PARL: variants seen among roughly 807,000 people sequenced by gnomAD.
PARL encodes the protein presenilin-associated rhomboid-like protein, mitochondrial.
A neutral mutation model predicts 51.6 loss-of-function variants in PARL; 44 were observed. The observed-to-expected ratio is 0.85, with a 90% CI of 0.67 to 1.10. The LOEUF (loss-of-function observed/expected upper bound fraction) is 1.10, where lower values mean the gene tolerates loss of function less well. Ranked by LOEUF, PARL falls within the 50% of genes least tolerant of loss-of-function variation. PARL has a pLI of 0.00. For synonymous variants in PARL, 172 were observed against 164.0 expected, an observed-to-expected ratio of 1.05 and a Z score of -0.37; for missense variants, 441 against 469.5, an observed-to-expected ratio of 0.94 and a Z score of 0.56.
At chr3:183,843,189 C>A (rs1275891612) in intron 5 of PARL, 2 of 984,366 alleles carry the variant, frequency 2.0e-6, no homozygotes, top group Non-Finnish European at 2.4e-6. Flanking sequence ...CAGCTTAAGA[C>A]ATCATTTTTA....
rs763229533 is a variant in PARL, at chr3:183,884,863, C to T, written c.-17G>A. 6 of 1,596,582 alleles carry T rather than the reference C, an allele frequency of 3.8e-6. No homozygotes were observed. Among genetic ancestry groups the T allele is most frequent in the African/African-American group, 2.7e-5 (2 of 74,826 alleles). On this transcript the variant is annotated 5_prime_UTR_variant, in exon 1 of 10. Coordinates refer to ENST00000317096, the MANE Select transcript of PARL (RefSeq NM_018622.7). ...CCACGCCATCTTCCCAACCTCTGCC[C>T]CACCATGGCCCGACCTTACCAACCC...
intron 1 of PARL, among the ~76,000 whole-genome samples, chr3:183,875,898 T>C (rs1005196196): frequency 6.6e-6 from 1 of 152,206 alleles, no homozygotes; most frequent in Non-Finnish European, 1.5e-5. Flanking sequence ...GGTGACTAAG[T>C]TGAAGCCAAT....
intron 1 of PARL, among the ~76,000 whole-genome samples, chr3:183,877,446 C>T (rs779846976): frequency 6.6e-6 from 1 of 152,112 alleles, no homozygotes; most frequent in Non-Finnish European, 1.5e-5. Flanking sequence ...AGCAGCAGCA[C>T]GGTTTGAGAG....
At chr3:183,854,290 C>T (rs1240524086) in intron 4 of PARL, among the ~76,000 whole-genome samples, 2 of 152,142 alleles carry the variant, frequency 1.3e-5, no homozygotes, top group African/African-American at 2.4e-5. Flanking sequence ...TATTTGCACA[C>T]CCATTTTCAT....
In PARL at chr3:183,837,784, A is replaced by G. The variant is rs150679589; in HGVS notation, c.828+2786T>C. 2.3e-3 allele frequency among the ~76,000 whole-genome samples: 355 copies of G among 152,274 alleles called. 4 individuals are homozygous for G. The highest frequency in any genetic ancestry group is 8.1e-3 in the African/African-American group (338 of 41,564). ...GGCTTCAACTGAAAAATCACTCATC[A>G]TATCAAGAACCAGAAAAATCTCAAC... On this transcript the variant is annotated intron_variant, in intron 7 of 9. Transcript: ENST00000317096.
At chr3:183,832,494 C>T (rs1350482862) in intron 9 of PARL, among the ~76,000 whole-genome samples, 1 of 152,056 alleles carries the variant, frequency 6.6e-6, no homozygotes, top group Admixed American at 6.5e-5. Flanking sequence ...GCTGGGATTA[C>T]AGGCGTGAGC....
chr3:183,843,658 G>A (rs1222903494), intron 5 of PARL, among the ~76,000 whole-genome samples: 5 of 151,958 alleles, frequency 3.3e-5, no homozygotes, highest in Admixed American at 6.6e-5. Context: ...TTGAAACCCC[G>A]TCTCTACTAA....
intron 2 of PARL, 136 bp from the exon 3 acceptor site, chr3:183,866,901 T>A: frequency 1.4e-6 from 1 of 689,908 alleles, no homozygotes. Context: ...TGAAACCTAA[T>A]AAGTGAAAAG....
intron 2 of PARL, 120 bp from the exon 3 acceptor site, chr3:183,866,885 G>T: frequency 4.0e-6 from 3 of 758,326 alleles, no homozygotes; most frequent in Non-Finnish European, 6.6e-6. Flanking sequence ...GGAATACTTG[G>T]CACAGTGAAA....
chr3:183,846,667 CAA>C, intron 4 of PARL: 1 of 983,436 alleles, frequency 1.0e-6, no homozygotes, highest in Non-Finnish European at 1.2e-6. Context: ...CAGTGGTCAT[CAA>C]ACTGCTTTCA....
chr3:183,857,559 T>C (rs1166257984), intron 4 of PARL, among the ~76,000 whole-genome samples: 2 of 152,214 alleles, frequency 1.3e-5, no homozygotes, highest in Admixed American at 1.3e-4. Flanking sequence ...TATATATAAA[T>C]AGATGCTTTG....
At chr3:183,845,243 C>T (rs1473134512) in intron 4 of PARL, among the ~76,000 whole-genome samples, 2 of 152,128 alleles carry the variant, frequency 1.3e-5, no homozygotes, top group African/African-American at 4.8e-5. Context: ...GGCAGCTGAT[C>T]TACATCTCGG....
At chr3:183,839,079 T>C (rs566866494) in intron 7 of PARL, among the ~76,000 whole-genome samples, 15 of 152,240 alleles carry the variant, frequency 9.9e-5, no homozygotes, top group African/African-American at 2.6e-4. Flanking sequence ...CAGAGCGAAA[T>C]TGTATAAAGA....
At position 183,829,707 on chromosome 3, in the gene PARL, C is replaced by G; in HGVS notation, c.1031G>C (p.Trp344Ser). The change falls in exon 10 of 10, where the codon TGG (tryptophan) becomes TCG (serine). Residue 344 changes from tryptophan to serine, a missense_variant and splice_region_variant. Physicochemically the swap from Trp to Ser is radical, Grantham distance 177 (BLOSUM62 -3). Transcript: ENST00000317096. ...AHLGGALFGI[W>S]YVTYGHELIW... The stretch of plus-strand genomic sequence containing the variant: ...CAGTTCATGACCGTAAGTAACATAC[C>G]ATCTGGAGAAAAACAAACCAGGTCC... The G allele has an allele frequency of 6.2e-7, 1 of 1,613,752 alleles. No individual in the cohort carries two copies. The highest frequency in any genetic ancestry group is 8.5e-7 in the Non-Finnish European group (1 of 1,179,708).
chr3:183,847,607 T>C (rs1363508382), intron 4 of PARL, among the ~76,000 whole-genome samples: 1 of 151,586 alleles, frequency 6.6e-6, no homozygotes, highest in East Asian at 1.9e-4. Flanking sequence ...AAGGGCTGAG[T>C]GACGATGAAA....
In PARL at chr3:183,868,042, T is replaced by C. The variant is rs752691999; in HGVS notation, c.144A>G (p.Gln48=). 1.2e-6 allele frequency: 2 copies of C among 1,614,104 alleles called. No individual in the cohort carries two copies. Among genetic ancestry groups the C allele is most frequent in the Non-Finnish European group, 1.7e-6 (2 of 1,179,956 alleles). The part of the protein sequence containing the change: ...LLGRRFNFFI[Q]QKCGFRKAPR... ...GTGCTTTTCTGAATCCGCATTTTTG[T>C]TGAATAAAGAAGTTAAACCTATGGG... The change falls in exon 2 of 10, where the codon CAA becomes CAG. Residue 48 remains glutamine, a synonymous_variant. Transcript: ENST00000317096.
chr3:183,870,036 G>A (rs1732992373), intron 1 of PARL, among the ~76,000 whole-genome samples: 1 of 151,356 alleles, frequency 6.6e-6, no homozygotes, highest in South Asian at 2.1e-4. Flanking sequence ...CCAGCACTTT[G>A]GGAGGCTGAG....
At position 183,829,616 on chromosome 3, in the gene PARL, T is replaced by C; in HGVS notation, c.1122A>G (p.Lys374=). 6.2e-7 allele frequency: 1 copy of C among 1,614,064 alleles called. No individual in the cohort carries two copies. The highest frequency in any genetic ancestry group is 8.5e-7 in the Non-Finnish European group (1 of 1,179,944). The change falls in exon 10 of 10, where the codon AAA becomes AAG. Residue 374 remains lysine, a synonymous_variant. Transcript: ENST00000317096. ...WHEIRTNGPK[K]GGGSK is the part of the protein sequence containing the mutation. ...CCCAGTTTTACTTAGAGCCACCTCC[T>C]TTTTTGGGGCCATTAGTCCTTATTT...
At chr3:183,827,451 TAAATA>T (rs1201409364), downstream of PARL, among the ~76,000 whole-genome samples, 1 of 151,374 alleles carries the variant, frequency 6.6e-6, no homozygotes, top group Non-Finnish European at 1.5e-5. Context: ...CTGTCTCAAA[TAAATA>T]AAAGTTTTTC....
Sources: gnomAD v4.1 joint callset for allele counts (sites outside exome capture counted in the v4.1 genomes callset) on GRCh38, gnomAD v4.1.1 for gene constraint, MANE v1.5 for transcripts, NCBI Gene and HGNC (gene_info 2026-07-23, HGNC 2026-07-21) for gene names.